KY: variants seen among roughly 807,000 people sequenced by gnomAD.
KY encodes the protein kyphoscoliosis peptidase.
In KY, 43 loss-of-function variants were observed where a neutral mutation model predicts 76.1. That is an observed-to-expected ratio of 0.57 (90% CI 0.44 to 0.73). The LOEUF (loss-of-function observed/expected upper bound fraction) is 0.73, where lower values mean the gene tolerates loss of function less well. Among genes scored for constraint, KY ranks in the 30% least tolerant of loss-of-function variants. The pLI, the probability that KY is intolerant of heterozygous loss-of-function variation, is 0.00. For missense variants in KY, 722 were observed against 828.9 expected (o/e 0.87, Z 1.58); for synonymous variants, 277 against 326.2 (o/e 0.85, Z 1.63).
At chr3:134,628,089 A>T in intron 4 of KY, 1 of 498,432 alleles carries the variant, frequency 2.0e-6, no homozygotes, top group Non-Finnish European at 3.7e-6. Flanking sequence ...GCTCTGACCT[A>T]ACACTTTGGG....
At chr3:134,649,693 C>A (rs569140969) in intron 1 of KY, among the ~76,000 whole-genome samples, 2 of 152,356 alleles carry the variant, frequency 1.3e-5, no homozygotes, top group African/African-American at 4.8e-5. Context: ...GATTCTGTTT[C>A]TTTCCCCTGC....
chr3:134,620,637 G>A, intron 7 of KY, 112 bp downstream of exon 7: 2 of 737,420 alleles, frequency 2.7e-6, no homozygotes, highest in Non-Finnish European at 2.4e-6. Context: ...CTGGGTCCCT[G>A]TCCCCCACCT....
At chr3:134,617,312 C>T (rs1257181525) in intron 8 of KY, among the ~76,000 whole-genome samples, 12 of 152,152 alleles carry the variant, frequency 7.9e-5, no homozygotes, top group Non-Finnish European at 1.8e-4. Flanking sequence ...GCTATTTCAT[C>T]AGTTAAAAGA....
At chr3:134,643,154 A>G (rs548929801) in intron 3 of KY, among the ~76,000 whole-genome samples, 162 bp downstream of exon 3, 3 of 151,794 alleles carry the variant, frequency 2.0e-5, no homozygotes, top group South Asian at 2.1e-4. Context: ...GCTGCTTCCC[A>G]TGAGACGCAG....
At chr3:134,638,042 C>G (rs1965224515) in intron 3 of KY, among the ~76,000 whole-genome samples, 1 of 152,184 alleles carries the variant, frequency 6.6e-6, no homozygotes, top group Admixed American at 6.5e-5. Context: ...CAAAGCTGTG[C>G]TGCTGCTTAG....
chr3:134,604,715 C>G (rs1447897110), intron 10 of KY, among the ~76,000 whole-genome samples: 1 of 152,130 alleles, frequency 6.6e-6, no homozygotes, highest in Non-Finnish European at 1.5e-5. Context: ...AGGTGGTTTT[C>G]TTTGAGAGAA....
At chr3:134,628,055 A>G in intron 4 of KY, 1 of 578,932 alleles carries the variant, frequency 1.7e-6, no homozygotes, top group Non-Finnish European at 3.1e-6. Context: ...AGGGAGCTGC[A>G]TTCTGCAACT....
intron 4 of KY, among the ~76,000 whole-genome samples, chr3:134,629,042 C>T (rs1293273554): frequency 6.6e-6 from 1 of 152,204 alleles, no homozygotes; most frequent in Non-Finnish European, 1.5e-5. Context: ...TGCACAGATG[C>T]AGGGAGAGGA....
rs201179125 is a variant in KY at position 134,603,539 on chromosome 3, G to A, written c.*40C>T. 2.6e-6 allele frequency: 4 copies of A among 1,531,730 alleles called. No individual in the cohort carries two copies. In the Admixed American group the frequency reaches 7.9e-5, roughly 30 times the overall value. 94.9% of individuals were successfully genotyped at this position (1,531,730 alleles called of 1,614,324 possible). Reference sequence around the variant, plus strand: ...CTTCGAGCCCTCCCTGGGGAGGTCTGGCCTTGGCCCTTTGGGAGGGTAAGA... The same window carrying A: ...CTTCGAGCCCTCCCTGGGGAGGTCTAGCCTTGGCCCTTTGGGAGGGTAAGA... On this transcript the variant is annotated 3_prime_UTR_variant, in exon 11 of 11. Coordinates refer to ENST00000423778, the MANE Select transcript of KY (RefSeq NM_178554.6).
At chr3:134,637,898 G>A (rs1006215030) in intron 3 of KY, among the ~76,000 whole-genome samples, 5 of 152,222 alleles carry the variant, frequency 3.3e-5, no homozygotes, top group East Asian at 1.9e-4. Flanking sequence ...GCTCATGTTC[G>A]GAGCACGGCC....
chr3:134,632,474 A>T (rs2107925335), intron 3 of KY, among the ~76,000 whole-genome samples: 1 of 152,184 alleles, frequency 6.6e-6, no homozygotes, highest in African/African-American at 2.4e-5. Context: ...AAAATGTCCA[A>T]GTATTAAAAA....
At chr3:134,635,729 A>T (rs1301601398) in intron 3 of KY, among the ~76,000 whole-genome samples, 3 of 152,110 alleles carry the variant, frequency 2.0e-5, no homozygotes, top group African/African-American at 7.2e-5. Context: ...ATTTTACTGT[A>T]TGTTAATTTA....
At chr3:134,646,676 G>A (rs978586178) in intron 2 of KY, among the ~76,000 whole-genome samples, 3 of 152,154 alleles carry the variant, frequency 2.0e-5, no homozygotes, top group East Asian at 1.9e-4. Context: ...TTGTGTCATG[G>A]AGGGTGGTTC....
intron 8 of KY, among the ~76,000 whole-genome samples, chr3:134,615,977 G>T (rs1013093836): frequency 6.6e-6 from 1 of 152,182 alleles, no homozygotes; most frequent in Non-Finnish European, 1.5e-5. Flanking sequence ...CGTAATAAGT[G>T]CCTGGCTTTA....
chr3:134,614,423 A>T (rs572501284), intron 8 of KY, among the ~76,000 whole-genome samples: 2 of 152,224 alleles, frequency 1.3e-5, no homozygotes, highest in South Asian at 4.1e-4. Flanking sequence ...TGCCCTGAAC[A>T]AGCTGCCAAG....
chr3:134,604,528 C>A, intron 10 of KY, 54 bp from the exon 11 acceptor site: 1 of 1,457,374 alleles, frequency 6.9e-7, no homozygotes, highest in Non-Finnish European at 9.3e-7. Context: ...TGCTGATGTG[C>A]TGGTAAATGT....
intron 1 of KY, among the ~76,000 whole-genome samples, chr3:134,647,878 T>C (rs901506352): frequency 6.6e-6 from 1 of 152,192 alleles, no homozygotes; most frequent in African/African-American, 2.4e-5. Flanking sequence ...TTTTAGAGTC[T>C]TGATATAGAG....
chr3:134,618,247 C>T (rs1298590889), intron 8 of KY, among the ~76,000 whole-genome samples: 6 of 152,104 alleles, frequency 3.9e-5, no homozygotes, highest in Admixed American at 2.6e-4. Flanking sequence ...ACCCAGTGCT[C>T]GGCAGCTGCC....
intron 9 of KY, among the ~76,000 whole-genome samples, chr3:134,609,188 G>A (rs772218475): frequency 6.6e-5 from 10 of 152,218 alleles, no homozygotes; most frequent in Non-Finnish European, 1.2e-4. Context: ...GGAAGGCAGG[G>A]AGACAGAGTG....
Sources: gnomAD v4.1 joint callset for allele counts (sites outside exome capture counted in the v4.1 genomes callset) on GRCh38, gnomAD v4.1.1 for gene constraint, MANE v1.5 for transcripts, NCBI Gene and HGNC (gene_info 2026-07-23, HGNC 2026-07-21) for gene names.